FNBP1L: variants seen among roughly 807,000 people sequenced by gnomAD.
FNBP1L encodes formin-binding protein 1-like.
In FNBP1L, 36 loss-of-function variants were observed where a neutral mutation model predicts 91.2. The ratio of observed to expected loss-of-function variants is 0.39; its 90% CI spans 0.30 to 0.52. The LOEUF is 0.52. FNBP1L is among the 20% of genes least tolerant of loss of function. The pLI is 0.66. For synonymous variants in FNBP1L, 242 were observed against 237.0 expected (o/e 1.02, Z -0.19); for missense variants, 571 against 732.1 (o/e 0.78, Z 2.54).
chr1:93,486,875 A>G (rs1033653636), intron 1 of FNBP1L, among the ~76,000 whole-genome samples: 1 of 152,202 alleles, frequency 6.6e-6, no homozygotes, highest in Non-Finnish European at 1.5e-5. Flanking sequence ...GATCATTTCC[A>G]TTAGCAAGAA....
chr1:93,547,208 T>G, intron 13 of FNBP1L, 139 bp from the exon 14 acceptor site: 1 of 886,692 alleles, frequency 1.1e-6, no homozygotes, highest in Non-Finnish European at 1.7e-6. Flanking sequence ...GTTGATCCTT[T>G]GACCAGTTTG....
At chr1:93,467,594 C>G (rs530101331) in intron 1 of FNBP1L, among the ~76,000 whole-genome samples, 1 of 152,030 alleles carries the variant, frequency 6.6e-6, no homozygotes, top group Admixed American at 6.6e-5. Context: ...GAATGTATCC[C>G]AGGACCACTG....
chr1:93,481,831 T>G (rs1669716168), intron 1 of FNBP1L, among the ~76,000 whole-genome samples: 2 of 152,166 alleles, frequency 1.3e-5, no homozygotes, highest in African/African-American at 4.8e-5. Flanking sequence ...TTGGTCTGTA[T>G]TTAGGTAAAA....
chr1:93,511,208 A>G (rs543485773), intron 2 of FNBP1L, among the ~76,000 whole-genome samples: 2 of 152,374 alleles, frequency 1.3e-5, no homozygotes, highest in South Asian at 4.1e-4. Flanking sequence ...CCAGAGAGAA[A>G]GGTCGGGTTA....
In FNBP1L at chr1:93,473,058, A is replaced by G. The variant is rs572673426; in HGVS notation, c.24+24753A>G. The stretch of plus-strand genomic sequence containing the variant: ...TTTCTGGTTCACTGTTAGCAAATGT[A>G]TAGGATTTTTTGTCTGCATTTTGTT... On this transcript the variant is annotated intron_variant, in intron 1 of 16. Coordinates refer to ENST00000271234, the MANE Select transcript of FNBP1L (RefSeq NM_001164473.3). 1.3e-3 allele frequency among the ~76,000 whole-genome samples: 192 copies of G among 152,182 alleles called. No individual in the cohort carries two copies. In the Middle Eastern group the frequency reaches 0.017, roughly 13 times the overall value.
intron 2 of FNBP1L, among the ~76,000 whole-genome samples, chr1:93,500,321 G>T (rs369876348): frequency 6.6e-6 from 1 of 152,124 alleles, no homozygotes; most frequent in African/African-American, 2.4e-5. Flanking sequence ...TCTTGGCTGT[G>T]CTCCCTCTTG....
chr1:93,466,536 C>G (rs540850524), intron 1 of FNBP1L, among the ~76,000 whole-genome samples: 2 of 151,998 alleles, frequency 1.3e-5, no homozygotes, highest in Non-Finnish European at 2.9e-5. Flanking sequence ...ATTTCTGAGG[C>G]CTCTGTTCTG....
At chr1:93,522,498 G>A (rs186657259) in intron 3 of FNBP1L, among the ~76,000 whole-genome samples, 1 of 151,920 alleles carries the variant, frequency 6.6e-6, no homozygotes, top group Admixed American at 6.5e-5. Context: ...TTGACTGATT[G>A]GTATAAAGGG....
At chr1:93,528,534 C>T (rs528166813) in intron 5 of FNBP1L, among the ~76,000 whole-genome samples, 1 of 152,200 alleles carries the variant, frequency 6.6e-6, no homozygotes, top group East Asian at 1.9e-4. Flanking sequence ...CTCCTGCAGA[C>T]CTTTTAGGAG....
chr1:93,506,880 A>G (rs1471071720), intron 2 of FNBP1L, among the ~76,000 whole-genome samples: 3 of 152,124 alleles, frequency 2.0e-5, no homozygotes. Context: ...AACAACTTAA[A>G]TATATATTAA....
intron 2 of FNBP1L, among the ~76,000 whole-genome samples, chr1:93,520,200 C>A (rs971690010): frequency 6.6e-6 from 1 of 152,022 alleles, no homozygotes; most frequent in African/African-American, 2.4e-5. Flanking sequence ...TTATGATGCT[C>A]CTAGTAGTTT....
chr1:93,503,461 T>A (rs187319272), intron 2 of FNBP1L, among the ~76,000 whole-genome samples: 7 of 152,318 alleles, frequency 4.6e-5, no homozygotes, highest in Admixed American at 2.6e-4. Flanking sequence ...AATTACATTT[T>A]AAATATATTA....
chr1:93,552,347 C>A (rs1672440530), intron 16 of FNBP1L, 62 bp from the exon 17 acceptor site: 2 of 1,583,306 alleles, frequency 1.3e-6, no homozygotes, highest in Admixed American at 1.8e-5. Flanking sequence ...AACTGAACAC[C>A]CCTTTTGGTT....
intron 2 of FNBP1L, among the ~76,000 whole-genome samples, chr1:93,515,482 A>T (rs1001204307): frequency 6.6e-6 from 1 of 152,176 alleles, no homozygotes; most frequent in Non-Finnish European, 1.5e-5. Context: ...TTATTGCGGC[A>T]TTATTCGCAA....
chr1:93,530,890 C>G lies in FNBP1L; in HGVS notation c.639+7C>G, dbSNP rs755914740. 6.6e-7 allele frequency: 1 copy of G among 1,524,872 alleles called. No homozygotes were observed. 94.5% of individuals were successfully genotyped at this position (1,524,872 alleles called of 1,614,324 possible). A position where few individuals can be genotyped will look rare whatever the true frequency, so the allele number is the denominator to read the frequency against. ...GATTCCTCAGATTTACAAGGTAAAT[C>G]TTAGATATGAAGTTAATCTAGTTTT... On this transcript the variant is annotated splice_region_variant and intron_variant, in intron 7 of 16. Coordinates refer to ENST00000271234, the MANE Select transcript of FNBP1L (RefSeq NM_001164473.3).
At chr1:93,520,459 C>T (rs1408011769) in intron 2 of FNBP1L, among the ~76,000 whole-genome samples, 1 of 152,068 alleles carries the variant, frequency 6.6e-6, no homozygotes, top group Non-Finnish European at 1.5e-5. Flanking sequence ...AAATTAAATA[C>T]TAGAAACATG....
chr1:93,521,045 AAACCAACC>A (rs56108498), intron 2 of FNBP1L, among the ~76,000 whole-genome samples: 3 of 150,808 alleles, frequency 2.0e-5, no homozygotes, highest in East Asian at 1.9e-4. Context: ...CCATCTCAAT[AAACCAACC>A]AACCAACCAA....
At chr1:93,507,232 G>A (rs1418513751) in intron 2 of FNBP1L, among the ~76,000 whole-genome samples, 3 of 130,088 alleles carry the variant, frequency 2.3e-5, no homozygotes, top group Non-Finnish European at 4.6e-5. Flanking sequence ...TCTGTAATAT[G>A]TACTGTGTGT....
chr1:93,541,378 A>G (rs1672037986), intron 11 of FNBP1L, among the ~76,000 whole-genome samples: 1 of 152,208 alleles, frequency 6.6e-6, no homozygotes, highest in African/African-American at 2.4e-5. Context: ...CAGAAGGAAA[A>G]TTTAGCAAAT....
Sources: gnomAD v4.1 joint callset for allele counts (sites outside exome capture counted in the v4.1 genomes callset) on GRCh38, gnomAD v4.1.1 for gene constraint, MANE v1.5 for transcripts, NCBI Gene and HGNC (gene_info 2026-07-23, HGNC 2026-07-21) for gene names.